The following ADAMTSL1 variants were observed in gnomAD, a reference collection of about 807,000 sequenced individuals.
ADAMTSL1 encodes ADAMTS-like protein 1.
Under a neutral mutation model 201.8 loss-of-function variants are expected in ADAMTSL1, and 126 were observed. That is an observed-to-expected ratio of 0.62 (90% CI 0.54 to 0.72). The LOEUF is 0.72. Among genes scored for constraint, ADAMTSL1 ranks in the 30% least tolerant of loss-of-function variants. The pLI is 0.00. For missense variants in ADAMTSL1, 2,679 were observed against 2,277.8 expected (o/e 1.18, Z -3.59); for synonymous variants, 1,121 against 903.4 (o/e 1.24, Z -4.32).
chr9:18,520,100 T>C (rs1300967208), intron 2 of ADAMTSL1, among the ~76,000 whole-genome samples: 1 of 152,228 alleles, frequency 6.6e-6, no homozygotes, highest in Non-Finnish European at 1.5e-5. Context: ...AAAAGCCAAT[T>C]TGAAACTTAA....
At chr9:18,054,446 C>G (rs552612055) in intron 1 of ADAMTSL1, among the ~76,000 whole-genome samples, 1 of 152,320 alleles carries the variant, frequency 6.6e-6, no homozygotes, top group South Asian at 2.1e-4. Flanking sequence ...AAGTCAGAGT[C>G]ATTCAAAGTT....
intron 2 of ADAMTSL1, among the ~76,000 whole-genome samples, chr9:18,195,536 G>T (rs1829141753): frequency 6.6e-6 from 1 of 152,118 alleles, no homozygotes; most frequent in Non-Finnish European, 1.5e-5. Context: ...GCTGTTTCCA[G>T]GGACATAGTC....
intron 1 of ADAMTSL1, among the ~76,000 whole-genome samples, chr9:18,022,522 G>C (rs1207660846): frequency 6.6e-6 from 1 of 151,860 alleles, no homozygotes; most frequent in Non-Finnish European, 1.5e-5. Flanking sequence ...CTAGGTTGTC[G>C]CATAAAGAAA....
intron 19 of ADAMTSL1, among the ~76,000 whole-genome samples, chr9:18,784,103 T>A (rs1821561684): frequency 2.6e-5 from 4 of 152,212 alleles, no homozygotes; most frequent in Admixed American, 1.3e-4. Context: ...CACAAATACT[T>A]GCTGTTCACA....
intron 1 of ADAMTSL1, among the ~76,000 whole-genome samples, chr9:18,137,709 A>G (rs1330537691): frequency 6.6e-6 from 1 of 152,184 alleles, no homozygotes; most frequent in Non-Finnish European, 1.5e-5. Context: ...ACCTGAAATG[A>G]TGGAATGCCT....
chr9:18,471,784 A>G (rs1821224285), upstream of ADAMTSL1, among the ~76,000 whole-genome samples: 3 of 152,310 alleles, frequency 2.0e-5, no homozygotes, highest in South Asian at 6.2e-4. Context: ...ATAGTATATT[A>G]TTCGGTGACT....
intron 1 of ADAMTSL1, among the ~76,000 whole-genome samples, chr9:18,020,515 A>G (rs1820436599): frequency 6.6e-6 from 1 of 152,100 alleles, no homozygotes; most frequent in South Asian, 2.1e-4. Context: ...CTTCCAGTCC[A>G]GTCAAGCCTT....
rs752714893 is a variant in ADAMTSL1, at chr9:18,706,903, C to G, written c.1731C>G (p.Ala577=). ...CEGPKPASQR[A]CYAGPCSGEI... is the part of the protein sequence containing the mutation. ...GGCCCAAGCCAGCATCCCAGCGTGC[C>G]TGTTATGCAGGCCCATGCAGCGGGG... The change falls in exon 14 of 29, where the codon GCC becomes GCG. Residue 577 remains alanine (A), a synonymous_variant. Coordinates refer to ENST00000380548, the MANE Select transcript of ADAMTSL1 (RefSeq NM_001040272.6). 6.2e-7 allele frequency: 1 copy of G among 1,613,986 alleles called. No individual in the cohort carries two copies. Among genetic ancestry groups the G allele is most frequent in the South Asian group, 1.1e-5 (1 of 91,076 alleles).
intron 1 of ADAMTSL1, among the ~76,000 whole-genome samples, chr9:18,070,666 A>G (rs1357055297): frequency 1.3e-5 from 2 of 152,194 alleles, no homozygotes; most frequent in Non-Finnish European, 2.9e-5. Flanking sequence ...TTGGGAAATG[A>G]TAAGAAAGCA....
At chr9:18,014,496 G>C (rs183232366) in intron 1 of ADAMTSL1, among the ~76,000 whole-genome samples, 6 of 152,070 alleles carry the variant, frequency 3.9e-5, no homozygotes, top group Admixed American at 6.5e-5. Context: ...AAAATATTAA[G>C]ATAGACTAAT....
chr9:18,833,665 TTTC>T (rs1383024512), intron 23 of ADAMTSL1, among the ~76,000 whole-genome samples: 1 of 152,196 alleles, frequency 6.6e-6, no homozygotes, highest in Non-Finnish European at 1.5e-5. Context: ...CTGTTGATAG[TTTC>T]TTTTGTTGTG....
At chr9:18,667,735 G>A (rs1829543039) in intron 9 of ADAMTSL1, among the ~76,000 whole-genome samples, 1 of 152,098 alleles carries the variant, frequency 6.6e-6, no homozygotes, top group Non-Finnish European at 1.5e-5. Flanking sequence ...AAACTCTTAA[G>A]CTCTCCAGAA....
chr9:18,839,201 A>T (rs1825547990), intron 23 of ADAMTSL1, among the ~76,000 whole-genome samples: 1 of 99,746 alleles, frequency 1.0e-5, no homozygotes, highest in African/African-American at 4.1e-5. Context: ...ACCCCACAAC[A>T]GTCCCCAGAG....
chr9:18,833,146 A>G (rs574361919), intron 23 of ADAMTSL1, among the ~76,000 whole-genome samples: 71 of 152,336 alleles, frequency 4.7e-4, no homozygotes, highest in African/African-American at 1.6e-3. Context: ...TCACTTTTCC[A>G]TAACTATAAA....
At chr9:18,873,572 ATGTT>A (rs1827981321) in intron 23 of ADAMTSL1, among the ~76,000 whole-genome samples, 1 of 151,700 alleles carries the variant, frequency 6.6e-6, no homozygotes, top group East Asian at 1.9e-4. Context: ...TCCCCACTTT[ATGTT>A]TTTGTTTGCT....
chr9:18,012,641 C>CT (rs1323149211), intron 1 of ADAMTSL1, among the ~76,000 whole-genome samples: 1 of 152,018 alleles, frequency 6.6e-6, no homozygotes, highest in Non-Finnish European at 1.5e-5. Flanking sequence ...ACACCTCACC[C>CT]TGGAGCCCTC....
At chr9:18,889,521 GCAA>G in intron 24 of ADAMTSL1, 44 bp from the exon 25 acceptor site, 10 of 1,592,256 alleles carry the variant, frequency 6.3e-6, no homozygotes, top group Non-Finnish European at 8.6e-6. Flanking sequence ...CAGAGTGTGG[GCAA>G]TTATGCTATA....
intron 1 of ADAMTSL1, among the ~76,000 whole-genome samples, chr9:18,148,628 T>C (rs947079894): frequency 9.2e-5 from 14 of 152,076 alleles, no homozygotes; most frequent in Non-Finnish European, 2.1e-4. Flanking sequence ...AGGATATTGA[T>C]AACAGTTGAT....
intron 2 of ADAMTSL1, among the ~76,000 whole-genome samples, chr9:18,356,763 G>A (rs894835576): frequency 6.6e-6 from 1 of 152,090 alleles, no homozygotes; most frequent in Non-Finnish European, 1.5e-5. Flanking sequence ...TAACAAGAAT[G>A]AATCTAAGTA....
Sources: allele counts gnomAD v4.1 joint callset (sites outside exome capture counted in the v4.1 genomes callset), GRCh38; gene constraint gnomAD v4.1.1; transcripts MANE v1.5; gene names NCBI Gene and HGNC (gene_info 2026-07-23, HGNC 2026-07-21).